The following JMJD1C variants were observed in gnomAD, a reference collection of about 807,000 sequenced individuals.
JMJD1C encodes the protein jumonji domain-containing protein 1C.
In JMJD1C, 31 loss-of-function variants were observed where a neutral mutation model predicts 245.3. The observed-to-expected ratio is 0.13, with a 90% CI of 0.09 to 0.17. JMJD1C has a LOEUF of 0.17. JMJD1C is among the 10% of genes least tolerant of loss of function. The pLI is 1.00. For missense variants in JMJD1C, 2,691 were observed against 3,000.2 expected, an observed-to-expected ratio of 0.90 and a Z score of 2.41; for synonymous variants, 1,057 against 1,017.4, an observed-to-expected ratio of 1.04 and a Z score of -0.74.
chr10:63,497,081 AT>A, intron 1 of JMJD1C, among the ~76,000 whole-genome samples: 1 of 152,300 alleles, frequency 6.6e-6, no homozygotes, highest in South Asian at 2.1e-4. Flanking sequence ...TAAAAAGAGA[AT>A]GAGAGAAATG....
chr10:63,242,074 G>A (rs1002274399), intron 3 of JMJD1C, among the ~76,000 whole-genome samples: 1 of 152,198 alleles, frequency 6.6e-6, no homozygotes, highest in African/African-American at 2.4e-5. Context: ...GAGTAAAGTA[G>A]TGATAATTTG....
At position 63,207,718 on chromosome 10, in the gene JMJD1C, A is replaced by T. The variant is rs143894691; in HGVS notation, c.3951T>A (p.Ser1317Arg). The change falls in exon 10 of 26, where the codon AGT (serine) becomes AGA (arginine). Residue 1317 changes from serine to arginine, a missense_variant. Physicochemically the swap from Ser to Arg is moderately radical, Grantham distance 110. Coordinates refer to ENST00000399262, the MANE Select transcript of JMJD1C (RefSeq NM_032776.3). ...VRPSSSTKTD[S>R]MPAMQLASKD... ...TAGAAGCTAACTGCATTGCTGGCAT[A>T]CTATCAGTTTTTGTACTAGAAGATG... 1.2e-6 allele frequency: 2 copies of T among 1,614,182 alleles called. No homozygotes were observed. The highest frequency in any genetic ancestry group is 1.7e-6 in the Non-Finnish European group (2 of 1,180,022).
At chr10:63,327,334 G>A (rs531455033) in intron 2 of JMJD1C, among the ~76,000 whole-genome samples, 1 of 152,148 alleles carries the variant, frequency 6.6e-6, no homozygotes, top group Non-Finnish European at 1.5e-5. Flanking sequence ...CTTCATCAAT[G>A]TAAATAAGCC....
At chr10:63,265,998 T>G (rs1271532168) in intron 2 of JMJD1C, among the ~76,000 whole-genome samples, 1 of 152,078 alleles carries the variant, frequency 6.6e-6, no homozygotes, top group African/African-American at 2.4e-5. Flanking sequence ...ATTTCTATAT[T>G]TAAGAAATTC....
chr10:63,257,571 T>C (rs1053533912), intron 3 of JMJD1C, among the ~76,000 whole-genome samples: 4 of 152,220 alleles, frequency 2.6e-5, no homozygotes, highest in East Asian at 1.9e-4. Context: ...CTTAGTATTA[T>C]AGCTACAAAG....
At chr10:63,291,888 T>G (rs1858769686) in intron 2 of JMJD1C, among the ~76,000 whole-genome samples, 1 of 152,090 alleles carries the variant, frequency 6.6e-6, no homozygotes, top group Admixed American at 6.6e-5. Context: ...GGAGGTTGAC[T>G]GGAAATGGAA....
At chr10:63,356,516 C>T (rs901061848) in intron 2 of JMJD1C, among the ~76,000 whole-genome samples, 1 of 152,166 alleles carries the variant, frequency 6.6e-6, no homozygotes, top group Non-Finnish European at 1.5e-5. Context: ...AGCACAAGCA[C>T]CTTCGGGCTT....
At chr10:63,226,714 C>CAAAAAAA (rs35375607) in intron 3 of JMJD1C, among the ~76,000 whole-genome samples, 1 of 84,910 alleles carries the variant, frequency 1.2e-5, no homozygotes, top group Admixed American at 1.6e-4. Flanking sequence ...AACCCTGTTT[C>CAAAAAAA]AAAAAAAAAA....
At position 63,198,688 on chromosome 10, in the gene JMJD1C, A is replaced by C; in HGVS notation, c.5316T>G (p.Gly1772=). Residue 1772 remains glycine (G), a synonymous_variant, in exon 12 of 26, where the codon GGT becomes GGG. Coordinates refer to ENST00000399262, the MANE Select transcript of JMJD1C (RefSeq NM_032776.3). ...FSKNGVVRID[G]FSSPDQYDDE... ...CATCATATTGGTCAGGAGAAGAGAAACCATCTATTCTAACTACTCCGTTTT... is the reference window on the plus strand; with the variant it reads ...CATCATATTGGTCAGGAGAAGAGAACCCATCTATTCTAACTACTCCGTTTT... 6.2e-7 allele frequency: 1 copy of C among 1,611,800 alleles called. No homozygotes were observed. Among genetic ancestry groups the C allele is most frequent in the Non-Finnish European group, 8.5e-7 (1 of 1,178,834 alleles).
intron 24 of JMJD1C, among the ~76,000 whole-genome samples, chr10:63,175,283 G>A (rs1300016405): frequency 1.3e-5 from 2 of 152,080 alleles, no homozygotes; most frequent in Non-Finnish European, 1.5e-5. Context: ...TAAATAATAT[G>A]ACATCTCTGA....
intron 1 of JMJD1C, among the ~76,000 whole-genome samples, chr10:63,464,663 C>CA (rs1410593340): frequency 6.7e-6 from 1 of 149,630 alleles, no homozygotes; most frequent in African/African-American, 2.5e-5. Context: ...CTACGCTACT[C>CA]AAAGAAAGCA....
intron 2 of JMJD1C, among the ~76,000 whole-genome samples, chr10:63,266,436 A>G (rs1374178562): frequency 6.6e-6 from 1 of 152,154 alleles, no homozygotes; most frequent in African/African-American, 2.4e-5. Flanking sequence ...AAAGTTTGTA[A>G]GAAATTCAAG....
In JMJD1C at chr10:63,215,725, A is replaced by T. The variant is rs1017016711; in HGVS notation, c.679-29T>A. 2.1e-6 allele frequency: 3 copies of T among 1,423,828 alleles called. No individual in the cohort carries two copies. The African/African-American group carries it at 4.3e-5, about 20-fold the overall frequency. 88.2% of individuals were successfully genotyped at this position (1,423,828 alleles called of 1,614,324 possible). ...ATCCATGATACAAAACAAAAACAAA[A>T]ATTAAATAGAATGAGCTAATCAAAT... is the stretch of plus-strand genomic sequence containing the variant. On this transcript the variant is annotated intron_variant, in intron 5 of 25. Transcript: ENST00000399262.
intron 10 of JMJD1C, chr10:63,202,667 C>T: frequency 1.0e-6 from 1 of 985,456 alleles, no homozygotes; most frequent in Non-Finnish European, 1.2e-6. Context: ...ACTAGAGAAA[C>T]ACCCATGTGT....
intron 1 of JMJD1C, among the ~76,000 whole-genome samples, chr10:63,445,628 T>G (rs910985796): frequency 6.6e-6 from 1 of 152,130 alleles, no homozygotes; most frequent in Non-Finnish European, 1.5e-5. Context: ...TTAGAAGCCT[T>G]TGGAGGCATC....
intron 10 of JMJD1C, chr10:63,203,139 G>T: frequency 1.0e-6 from 1 of 984,812 alleles, no homozygotes; most frequent in Non-Finnish European, 1.2e-6. Context: ...CATACGTAGA[G>T]CTTTTGATAT....
chr10:63,413,023 A>G (rs1949578388), intron 1 of JMJD1C, among the ~76,000 whole-genome samples: 1 of 141,178 alleles, frequency 7.1e-6, no homozygotes, highest in South Asian at 2.5e-4. Context: ...CCGAAACACA[A>G]AAATAGAGTA....
intron 1 of JMJD1C, among the ~76,000 whole-genome samples, chr10:63,480,015 T>C (rs1953781813): frequency 6.6e-6 from 1 of 152,212 alleles, no homozygotes; most frequent in South Asian, 2.1e-4. Flanking sequence ...TGTTCCAGTT[T>C]TCTGATTTTC....
At chr10:63,412,305 T>C (rs1949534367) in intron 1 of JMJD1C, among the ~76,000 whole-genome samples, 1 of 152,026 alleles carries the variant, frequency 6.6e-6, no homozygotes, top group Admixed American at 6.5e-5. Context: ...AGAGAAGTTA[T>C]TATGAGCAAG....
Sources: allele counts gnomAD v4.1 joint callset (sites outside exome capture counted in the v4.1 genomes callset), GRCh38; gene constraint gnomAD v4.1.1; transcripts MANE v1.5; gene names NCBI Gene and HGNC (gene_info 2026-07-23, HGNC 2026-07-21).